SRGAP3: variants seen among roughly 807,000 people sequenced by gnomAD.
SRGAP3 encodes the protein SLIT-ROBO Rho GTPase activating protein 3, also known as SLIT-ROBO Rho GTPase-activating protein 3.
A neutral mutation model predicts 121.1 loss-of-function variants in SRGAP3; 39 were observed. The ratio of observed to expected loss-of-function variants is 0.32; its 90% confidence interval spans 0.25 to 0.42. SRGAP3 has a LOEUF of 0.42. SRGAP3 is among the 10% of genes least tolerant of loss of function. The pLI is 1.00. For missense variants in SRGAP3, 1,213 were observed against 1,470.6 expected, an observed-to-expected ratio of 0.82 and a Z score of 2.86; for synonymous variants, 601 against 570.0, an observed-to-expected ratio of 1.05 and a Z score of -0.77.
upstream of SRGAP3, among the ~76,000 whole-genome samples, chr3:9,251,134 T>A (rs1415406122): frequency 6.6e-6 from 1 of 152,180 alleles, no homozygotes; most frequent in Non-Finnish European, 1.5e-5. Flanking sequence ...CAGGCAAGTA[T>A]GGCAAAGGGA....
chr3:9,323,004 A>C (rs999269978), intron 3 of SRGAP3, among the ~76,000 whole-genome samples: 5 of 151,950 alleles, frequency 3.3e-5, no homozygotes, highest in Non-Finnish European at 7.4e-5. Context: ...AGACCTAACT[A>C]TTCATACATA....
At chr3:9,334,974 C>T (rs973348284) in intron 1 of SRGAP3, among the ~76,000 whole-genome samples, 2 of 152,178 alleles carry the variant, frequency 1.3e-5, no homozygotes, top group Non-Finnish European at 2.9e-5. Flanking sequence ...AATGTACCTG[C>T]CTACAGGGGC....
chr3:9,146,107 G>T (rs892901284), intron 1 of SRGAP3, among the ~76,000 whole-genome samples: 4 of 152,226 alleles, frequency 2.6e-5, no homozygotes, highest in African/African-American at 9.6e-5. Context: ...GAAGAGACTA[G>T]TTAGAAGGCT....
chr3:9,237,614 G>T (rs1953461726), intron 1 of SRGAP3, among the ~76,000 whole-genome samples: 1 of 152,224 alleles, frequency 6.6e-6, no homozygotes, highest in African/African-American at 2.4e-5. Flanking sequence ...TGGCAATCCA[G>T]GGCAAGAGCA....
intron 8 of SRGAP3, among the ~76,000 whole-genome samples, chr3:9,054,576 T>C (rs1267653748): frequency 1.3e-5 from 2 of 152,234 alleles, no homozygotes; most frequent in African/African-American, 2.4e-5. Flanking sequence ...TAAAACCAAG[T>C]TGTGGCCCAA....
intron 1 of SRGAP3, among the ~76,000 whole-genome samples, chr3:9,361,368 C>T (rs538348353): frequency 5.9e-5 from 9 of 152,044 alleles, no homozygotes; most frequent in African/African-American, 1.9e-4. Context: ...CCTCCCAAAG[C>T]GCTGGGACTA....
intron 18 of SRGAP3, among the ~76,000 whole-genome samples, chr3:9,005,240 C>T (rs1943003582): frequency 6.6e-6 from 1 of 152,158 alleles, no homozygotes; most frequent in African/African-American, 2.4e-5. Context: ...AACTTCACAT[C>T]CACTAGGATG....
intron 13 of SRGAP3, 103 bp downstream of exon 13, chr3:9,026,832 G>A (rs1024313133): frequency 1.5e-6 from 2 of 1,291,988 alleles, no homozygotes; most frequent in Admixed American, 1.7e-5. Flanking sequence ...GCAGAGCTGT[G>A]ACGGGAAGTC....
At chr3:9,172,819 T>C (rs572612936) in intron 1 of SRGAP3, among the ~76,000 whole-genome samples, 7 of 152,018 alleles carry the variant, frequency 4.6e-5, no homozygotes, top group Non-Finnish European at 1.0e-4. Flanking sequence ...AAGCGCAGAC[T>C]AGAAGGGTGA....
In SRGAP3 at chr3:9,013,966, C is replaced by T. The variant is rs1395143423; in HGVS notation, c.1814-124G>A. 4 of 841,892 alleles carry T rather than the reference C, an allele frequency of 4.8e-6. No homozygotes were observed. In the Admixed American group the frequency reaches 6.0e-5, roughly 13 times the overall value. The allele number at this position is 841,892 out of a possible 1,614,324, so 52.2% of individuals were successfully genotyped here. On this transcript the variant is annotated intron_variant, in intron 15 of 21. Coordinates refer to ENST00000383836, the MANE Select transcript of SRGAP3 (RefSeq NM_014850.4). ...GGGGAGCCAGCTCTACTCTTGATTCCAGGGATCACAGGTGATCCTGGCCTG... is the reference window on the plus strand; with the variant it reads ...GGGGAGCCAGCTCTACTCTTGATTCTAGGGATCACAGGTGATCCTGGCCTG...
At chr3:9,176,171 C>T (rs1334185078) in intron 1 of SRGAP3, among the ~76,000 whole-genome samples, 5 of 152,162 alleles carry the variant, frequency 3.3e-5, no homozygotes, top group Admixed American at 3.3e-4. Flanking sequence ...CCACCCGCCT[C>T]GGCCTCCTAA....
intron 18 of SRGAP3, among the ~76,000 whole-genome samples, chr3:9,006,224 C>A (rs1024935428): frequency 6.6e-6 from 1 of 152,004 alleles, no homozygotes; most frequent in African/African-American, 2.4e-5. Context: ...CATGGTGAAA[C>A]CCCGTCTCTA....
chr3:9,324,302 C>T (rs986017769), intron 3 of SRGAP3, among the ~76,000 whole-genome samples: 1 of 151,896 alleles, frequency 6.6e-6, no homozygotes, highest in Non-Finnish European at 1.5e-5. Context: ...TTAACAATTC[C>T]CCCCTTTTGG....
chr3:9,271,847 C>G (rs1222248985), intron 3 of SRGAP3, among the ~76,000 whole-genome samples: 2 of 152,166 alleles, frequency 1.3e-5, no homozygotes, highest in Non-Finnish European at 1.5e-5. Flanking sequence ...GTACCCTGCA[C>G]CTATCTCTAT....
intron 1 of SRGAP3, among the ~76,000 whole-genome samples, chr3:9,169,236 C>T (rs1422341692): frequency 1.3e-5 from 2 of 152,218 alleles, no homozygotes; most frequent in African/African-American, 4.8e-5. Flanking sequence ...CAGAACCTGA[C>T]TGCAAAGAAG....
At chr3:9,327,867 G>GGAAT (rs1349817623) in intron 2 of SRGAP3, among the ~76,000 whole-genome samples, 1 of 151,526 alleles carries the variant, frequency 6.6e-6, no homozygotes, top group African/African-American at 2.4e-5. Context: ...CAAACAACCA[G>GGAAT]TCATTTTACT....
intron 1 of SRGAP3, among the ~76,000 whole-genome samples, chr3:9,201,929 T>C (rs1003433045): frequency 1.3e-5 from 2 of 152,156 alleles, no homozygotes; most frequent in African/African-American, 4.8e-5. Flanking sequence ...GTGCGTTGGG[T>C]GTTACTATTT....
At chr3:9,094,400 T>C (rs1947883918) in intron 3 of SRGAP3, among the ~76,000 whole-genome samples, 1 of 152,232 alleles carries the variant, frequency 6.6e-6, no homozygotes, top group Non-Finnish European at 1.5e-5. Flanking sequence ...ATTTCTCTGT[T>C]TCTCTATTAG....
At chr3:9,085,806 T>C (rs2675171) in intron 3 of SRGAP3, among the ~76,000 whole-genome samples, 8,335 of 152,172 alleles carry the variant, frequency 0.055, 488 homozygotes, top group East Asian at 0.32. Flanking sequence ...CTGGGGCCTA[T>C]CGGAGGATGG....
Sources: allele counts gnomAD v4.1 joint callset (sites outside exome capture counted in the v4.1 genomes callset), GRCh38; gene constraint gnomAD v4.1.1; transcripts MANE v1.5; gene names NCBI Gene and HGNC (gene_info 2026-07-23, HGNC 2026-07-21).